PRKAR2A: variants seen among roughly 807,000 people sequenced by gnomAD.
PRKAR2A encodes the protein protein kinase cAMP-dependent type II regulatory subunit alpha.
Under a neutral mutation model 51.9 loss-of-function variants are expected in PRKAR2A, and 29 were observed. The observed-to-expected ratio is 0.56, with a 90% confidence interval of 0.42 to 0.76. The LOEUF is 0.76. PRKAR2A is among the 30% of genes least tolerant of loss of function. PRKAR2A has a pLI of 0.00. For synonymous variants in PRKAR2A, 178 were observed against 186.2 expected, an observed-to-expected ratio of 0.96 and a Z score of 0.36; for missense variants, 445 against 512.1, an observed-to-expected ratio of 0.87 and a Z score of 1.26.
At chr3:48,795,434 A>C (rs929028673) in intron 2 of PRKAR2A, among the ~76,000 whole-genome samples, 6 of 152,236 alleles carry the variant, frequency 3.9e-5, no homozygotes, top group Admixed American at 6.6e-5. Flanking sequence ...GGAAAGAATC[A>C]GATTCTAAGT....
chr3:48,832,520 A>G (rs1234320620), intron 1 of PRKAR2A, among the ~76,000 whole-genome samples: 1 of 152,178 alleles, frequency 6.6e-6, no homozygotes, highest in Admixed American at 6.5e-5. Context: ...TTTACTCCAA[A>G]GAGGAAAAAT....
chr3:48,764,233 A>G (rs534428441), intron 8 of PRKAR2A, among the ~76,000 whole-genome samples: 1 of 152,224 alleles, frequency 6.6e-6, no homozygotes, highest in Non-Finnish European at 1.5e-5. Flanking sequence ...GCGGACAAAG[A>G]AAATTATCAG....
intron 2 of PRKAR2A, among the ~76,000 whole-genome samples, chr3:48,800,248 C>T (rs1374147632): frequency 6.6e-6 from 1 of 151,606 alleles, no homozygotes; most frequent in Admixed American, 6.6e-5. Flanking sequence ...GGCACAGTGG[C>T]CCACATCTGT....
intron 1 of PRKAR2A, among the ~76,000 whole-genome samples, chr3:48,817,048 G>C (rs2082884916): frequency 6.6e-6 from 1 of 151,924 alleles, no homozygotes. Context: ...AAGGTAATAG[G>C]CTGGGCGCAG....
At chr3:48,842,453 GA>G (rs1454667501) in intron 1 of PRKAR2A, among the ~76,000 whole-genome samples, 17 of 152,248 alleles carry the variant, frequency 1.1e-4, no homozygotes, top group African/African-American at 3.4e-4. Context: ...ACACTATGTT[GA>G]ATAGGAGTGG....
rs1045599322 is a variant in PRKAR2A, at chr3:48,748,643, G to A, written c.*2942C>T. 6.6e-6 allele frequency: 1 copy of A among 152,210 alleles called. No homozygotes were observed. The highest frequency in any genetic ancestry group is 2.4e-5 in the African/African-American group (1 of 41,422). The allele number at this position is 152,210 out of a possible 1,614,324, so 9.4% of individuals were successfully genotyped here. On this transcript the variant is annotated 3_prime_UTR_variant, in exon 11 of 11. Coordinates refer to ENST00000265563, the MANE Select transcript of PRKAR2A (RefSeq NM_004157.4). The stretch of plus-strand genomic sequence containing the variant: ...AACTAGTGTGATGGGTGGCAGGGAG[G>A]AGGCATCTGCTCAGTGTTCAAACAA...
intron 5 of PRKAR2A, among the ~76,000 whole-genome samples, chr3:48,777,000 AC>A (rs1266845429): frequency 6.6e-6 from 1 of 152,224 alleles, no homozygotes; most frequent in African/African-American, 2.4e-5. Context: ...CAGCTTTCAA[AC>A]CCTTCCTCTT....
intron 1 of PRKAR2A, among the ~76,000 whole-genome samples, chr3:48,846,246 C>G (rs533495648): frequency 6.8e-6 from 1 of 146,400 alleles, no homozygotes; most frequent in East Asian, 2.0e-4. Context: ...AGACGGAGTT[C>G]GCTCTGTCGC....
At chr3:48,809,262 A>T (rs1324606019) in intron 1 of PRKAR2A, among the ~76,000 whole-genome samples, 1 of 152,154 alleles carries the variant, frequency 6.6e-6, no homozygotes, top group African/African-American at 2.4e-5. Flanking sequence ...TATGAACAGA[A>T]GGAAAACAAA....
intron 5 of PRKAR2A, among the ~76,000 whole-genome samples, chr3:48,778,321 TTTC>T (rs1038048918): frequency 6.6e-6 from 1 of 151,656 alleles, no homozygotes; most frequent in African/African-American, 2.4e-5. Flanking sequence ...CACATTCTTT[TTTC>T]TTTTCTTTTT....
chr3:48,755,121 C>T (rs576913731), intron 9 of PRKAR2A, among the ~76,000 whole-genome samples: 1 of 151,014 alleles, frequency 6.6e-6, no homozygotes, highest in Non-Finnish European at 1.5e-5. Context: ...CTTAGCCTCC[C>T]GAGTAGCTGG....
At chr3:48,831,600 C>T (rs765357664) in intron 1 of PRKAR2A, among the ~76,000 whole-genome samples, 40 of 149,092 alleles carry the variant, frequency 2.7e-4, no homozygotes, top group Non-Finnish European at 5.5e-4. Flanking sequence ...TGGCCTCAAG[C>T]GGATTGCCTC....
chr3:48,812,569 G>T (rs112400464), intron 1 of PRKAR2A, among the ~76,000 whole-genome samples: 1 of 148,006 alleles, frequency 6.8e-6, no homozygotes, highest in Non-Finnish European at 1.5e-5. Flanking sequence ...TGCAAGCTCC[G>T]CCTCCCAGGT....
rs1285890158 is a variant in PRKAR2A, at chr3:48,748,364, G to A, written c.*3221C>T. On this transcript the variant is annotated 3_prime_UTR_variant, in exon 11 of 11. Coordinates refer to ENST00000265563, the MANE Select transcript of PRKAR2A (RefSeq NM_004157.4). Reference sequence around the variant, plus strand: ...GCCCAGGATGGTTTGGAACTCCTGGGCTCAAGCAATCCTCCCACTTTGGCT... The same window carrying A: ...GCCCAGGATGGTTTGGAACTCCTGGACTCAAGCAATCCTCCCACTTTGGCT... 1 of 150,708 alleles carries A rather than the reference G, an allele frequency of 6.6e-6. No homozygotes were observed. Among genetic ancestry groups the A allele is most frequent in the East Asian group, 2.0e-4 (1 of 5,124 alleles). The allele number at this position is 150,708 out of a possible 1,614,324, so 9.3% of individuals were successfully genotyped here. A position where few individuals can be genotyped will look rare whatever the true frequency, so the allele number is the denominator to read the frequency against.
chr3:48,766,548 A>C (rs575697170), intron 6 of PRKAR2A, among the ~76,000 whole-genome samples: 1 of 152,160 alleles, frequency 6.6e-6, no homozygotes, highest in Non-Finnish European at 1.5e-5. Flanking sequence ...CCTGGGTGAC[A>C]TAAGTTGAAA....
chr3:48,838,277 G>A (rs1345135997), intron 1 of PRKAR2A, among the ~76,000 whole-genome samples: 2 of 152,058 alleles, frequency 1.3e-5, no homozygotes, highest in Non-Finnish European at 2.9e-5. Flanking sequence ...GATGCCTAGG[G>A]ATGAGGGGAA....
In PRKAR2A at chr3:48,822,937, A is replaced by G. The variant is rs907168895; in HGVS notation, c.263-15253T>C. The stretch of plus-strand genomic sequence containing the variant: ...CTTCTCTGAATATACCTTGTTTTAT[A>G]GATTTGGCTTTGGAATCACAAATAT... On this transcript the variant is annotated intron_variant, in intron 1 of 10. Coordinates refer to ENST00000265563, the MANE Select transcript of PRKAR2A (RefSeq NM_004157.4). Among the ~76,000 whole-genome samples the G allele has an allele frequency of 3.9e-5, 6 of 152,298 alleles. No individual in the cohort carries two copies. The East Asian group carries it at 1.2e-3, about 29-fold the overall frequency.
chr3:48,783,184 A>C, intron 4 of PRKAR2A, 92 bp from the exon 5 acceptor site: 2 of 807,198 alleles, frequency 2.5e-6, no homozygotes, highest in Non-Finnish European at 4.1e-6. Context: ...ACTATGTAAC[A>C]GAAGTCCCCA....
At chr3:48,780,519 T>G (rs1009514123) in intron 5 of PRKAR2A, among the ~76,000 whole-genome samples, 1 of 145,932 alleles carries the variant, frequency 6.9e-6, no homozygotes, top group African/African-American at 2.5e-5. Flanking sequence ...AGGAGAATGG[T>G]GTGAACCTGG....
Sources: gnomAD v4.1 joint callset for allele counts (sites outside exome capture counted in the v4.1 genomes callset) on GRCh38, gnomAD v4.1.1 for gene constraint, MANE v1.5 for transcripts, NCBI Gene and HGNC (gene_info 2026-07-23, HGNC 2026-07-21) for gene names.